GRIK4: variants seen among roughly 807,000 people sequenced by gnomAD.
GRIK4 encodes glutamate ionotropic receptor kainate type subunit 4, also known as glutamate receptor ionotropic, kainate 4.
In GRIK4, 40 loss-of-function variants were observed where a neutral mutation model predicts 104.9. That is an observed-to-expected ratio of 0.38 (90% confidence interval 0.30 to 0.50). The LOEUF (loss-of-function observed/expected upper bound fraction) is 0.50, where lower values mean the gene tolerates loss of function less well. GRIK4 is among the 20% of genes least tolerant of loss of function. The probability of loss-of-function intolerance (pLI) is 0.93; values close to 1 mark genes in which losing one functional copy is unlikely to be tolerated. For missense variants in GRIK4, 1,047 were observed against 1,308.1 expected, an observed-to-expected ratio of 0.80 and a Z score of 3.08; for synonymous variants, 485 against 524.9, an observed-to-expected ratio of 0.92 and a Z score of 1.04.
intron 1 of GRIK4, among the ~76,000 whole-genome samples, chr11:120,577,036 A>AAG (rs1177945409): frequency 6.6e-6 from 1 of 152,182 alleles, no homozygotes; most frequent in African/African-American, 2.4e-5. Flanking sequence ...CTGGATATAA[A>AAG]AGAGAAATAT....
intron 1 of GRIK4, among the ~76,000 whole-genome samples, chr11:120,534,850 C>T (rs1947956937): frequency 6.6e-6 from 1 of 152,126 alleles, no homozygotes; most frequent in Non-Finnish European, 1.5e-5. Flanking sequence ...GAGCACTTCC[C>T]AATGGGGGAC....
intron 3 of GRIK4, among the ~76,000 whole-genome samples, chr11:120,785,523 G>A (rs1394728349): frequency 6.6e-6 from 1 of 152,354 alleles, no homozygotes; most frequent in East Asian, 1.9e-4. Context: ...CATACATTTT[G>A]TTCCAGGGGT....
At chr11:120,977,235 C>T in intron 19 of GRIK4, among the ~76,000 whole-genome samples, 1 of 152,132 alleles carries the variant, frequency 6.6e-6, no homozygotes, top group Non-Finnish European at 1.5e-5. Flanking sequence ...ACTCAAGTGT[C>T]AGGAGAAAGT....
intron 1 of GRIK4, among the ~76,000 whole-genome samples, chr11:120,647,415 C>T (rs925765664): frequency 6.6e-6 from 1 of 152,172 alleles, no homozygotes; most frequent in Admixed American, 6.6e-5. Flanking sequence ...CCCTCCCTTG[C>T]CCAGAAACTT....
intron 8 of GRIK4, among the ~76,000 whole-genome samples, chr11:120,842,734 T>C (rs1232401617): frequency 6.6e-6 from 1 of 152,008 alleles, no homozygotes; most frequent in Non-Finnish European, 1.5e-5. Flanking sequence ...TGCAAGGGAG[T>C]CTCTGTCTTC....
chr11:120,671,171 A>G lies in GRIK4; in HGVS notation c.82+10771A>G, dbSNP rs566006431. 3.9e-5 allele frequency among the ~76,000 whole-genome samples: 6 copies of G among 152,282 alleles called. No homozygotes were observed. In the East Asian group the frequency reaches 5.8e-4, roughly 15 times the overall value. ...AGTGCTGCAGTAAACTTACGTGTCC[A>G]TATGTCTTTAGAGTAGACTGATTTA... On this transcript the variant is annotated intron_variant, in intron 3 of 20. Coordinates refer to ENST00000527524, the MANE Select transcript of GRIK4 (RefSeq NM_014619.5).
rs114670386 is a variant in GRIK4, at chr11:120,725,761, A to G, written c.82+65361A>G. ...CTATGTTTATAAAAAAAAAAAATCTATGGAACTATTGGGTCACTTTCTGTT... is the reference window on the plus strand; with the variant it reads ...CTATGTTTATAAAAAAAAAAAATCTGTGGAACTATTGGGTCACTTTCTGTT... On this transcript the variant is annotated intron_variant, in intron 3 of 20. Transcript: ENST00000527524. Among the ~76,000 whole-genome samples the G allele has an allele frequency of 6.0e-3, 918 of 152,248 alleles. 11 individuals are homozygous for G. Among genetic ancestry groups the G allele is most frequent in the African/African-American group, 0.021 (879 of 41,548 alleles).
At chr11:120,516,499 G>C (rs1298577456) in intron 1 of GRIK4, among the ~76,000 whole-genome samples, 1 of 152,048 alleles carries the variant, frequency 6.6e-6, no homozygotes, top group African/African-American at 2.4e-5. Flanking sequence ...CGGTAGACGG[G>C]GTGGGTAGAA....
At chr11:120,565,401 G>A (rs1475910679) in intron 1 of GRIK4, among the ~76,000 whole-genome samples, 1 of 152,248 alleles carries the variant, frequency 6.6e-6, no homozygotes, top group Non-Finnish European at 1.5e-5. Context: ...TGGACAAGTT[G>A]TTACAACTGC....
intron 8 of GRIK4, among the ~76,000 whole-genome samples, chr11:120,852,747 G>A (rs1954002359): frequency 6.6e-6 from 1 of 152,228 alleles, no homozygotes. Context: ...GGGTACCGCA[G>A]TCAAGTGGGC....
At chr11:120,769,287 T>G (rs893117173) in intron 3 of GRIK4, among the ~76,000 whole-genome samples, 1 of 152,176 alleles carries the variant, frequency 6.6e-6, no homozygotes, top group Non-Finnish European at 1.5e-5. Context: ...CTAGGAATTT[T>G]TTCATTTCCT....
At chr11:120,649,603 A>G (rs1322946697) in intron 1 of GRIK4, among the ~76,000 whole-genome samples, 5 of 152,120 alleles carry the variant, frequency 3.3e-5, no homozygotes, top group Non-Finnish European at 5.9e-5. Flanking sequence ...TTGTGCCTGC[A>G]TGGGTCATTA....
chr11:120,724,693 A>T (rs1950997552), intron 3 of GRIK4, among the ~76,000 whole-genome samples: 1 of 152,142 alleles, frequency 6.6e-6, no homozygotes, highest in Admixed American at 6.5e-5. Context: ...ACTATATTTT[A>T]TTTATTTGTA....
At chr11:120,718,464 C>A (rs148674255) in intron 3 of GRIK4, among the ~76,000 whole-genome samples, 1 of 152,260 alleles carries the variant, frequency 6.6e-6, no homozygotes, top group Non-Finnish European at 1.5e-5. Flanking sequence ...CTGGGTTAGA[C>A]AAGAGATTGG....
intron 3 of GRIK4, among the ~76,000 whole-genome samples, chr11:120,749,427 C>T (rs191763900): frequency 1.3e-5 from 2 of 152,240 alleles, no homozygotes; most frequent in Admixed American, 6.5e-5. Flanking sequence ...CATATGGTGT[C>T]GAGGAGCCAC....
chr11:120,525,562 GGTGTTA>G (rs1360116161), intron 1 of GRIK4, among the ~76,000 whole-genome samples: 1 of 152,170 alleles, frequency 6.6e-6, no homozygotes, highest in Non-Finnish European at 1.5e-5. Flanking sequence ...GACCAGCAGG[GGTGTTA>G]CAGAAACCAT....
intron 3 of GRIK4, among the ~76,000 whole-genome samples, chr11:120,670,860 C>T (rs552024444): frequency 6.6e-6 from 1 of 152,254 alleles, no homozygotes; most frequent in East Asian, 1.9e-4. Context: ...CCCCTTGTCC[C>T]CCACCCCTCG....
intron 3 of GRIK4, among the ~76,000 whole-genome samples, chr11:120,754,894 G>A (rs1196004674): frequency 6.6e-6 from 1 of 152,056 alleles, no homozygotes; most frequent in Admixed American, 6.6e-5. Flanking sequence ...TTATTAAGTT[G>A]TAAGAGTTCT....
rs750852962 is a variant in GRIK4, at chr11:120,819,531, T to C, written c.346-224T>C. On this transcript the variant is annotated intron_variant, in intron 5 of 20. Coordinates refer to ENST00000527524, the MANE Select transcript of GRIK4 (RefSeq NM_014619.5). This position sits in a 1 kb window ranked among gnomAD's most constrained non-coding sequence, Gnocchi z 4.3. ...GCATTCATCCGGGTCTCTGGACAAA[T>C]AGTTTTCTGTCCTGGGGCTGCTTCT... Among the ~76,000 whole-genome samples the C allele has an allele frequency of 6.6e-6, 1 of 152,126 alleles. No individual in the cohort carries two copies. Among genetic ancestry groups the C allele is most frequent in the African/African-American group, 2.4e-5 (1 of 41,434 alleles).
Sources: allele counts gnomAD v4.1 joint callset (sites outside exome capture counted in the v4.1 genomes callset), GRCh38; gene constraint gnomAD v4.1.1; non-coding constraint Gnocchi (gnomAD v3.1); transcripts MANE v1.5; gene names NCBI Gene and HGNC (gene_info 2026-07-23, HGNC 2026-07-21).